Variants in CACNA1E observed in about 807,000 individuals in gnomAD.
CACNA1E encodes voltage-dependent R-type calcium channel subunit alpha-1E.
A neutral mutation model predicts 259.2 loss-of-function variants in CACNA1E; 40 were observed. That is an observed-to-expected ratio of 0.15 (90% confidence interval 0.12 to 0.20). The LOEUF (loss-of-function observed/expected upper bound fraction) is 0.20. CACNA1E is among the 10% of genes least tolerant of loss of function. CACNA1E has a pLI of 1.00. For missense variants in CACNA1E, 1,874 were observed against 3,040.1 expected (o/e 0.62, Z 9.02); for synonymous variants, 1,104 against 1,138.5 (o/e 0.97, Z 0.61).
intron 7 of CACNA1E, among the ~76,000 whole-genome samples, chr1:181,661,955 C>T (rs1258776360): frequency 6.6e-6 from 1 of 152,176 alleles, no homozygotes; most frequent in African/African-American, 2.4e-5. Flanking sequence ...TCATCTAGTA[C>T]AGCAGAACTT....
At chr1:181,544,757 C>T (rs1029202835) in intron 3 of CACNA1E, among the ~76,000 whole-genome samples, 3 of 152,124 alleles carry the variant, frequency 2.0e-5, no homozygotes, top group African/African-American at 4.8e-5. Flanking sequence ...AGGCTGACCC[C>T]GGAGGGTTTG....
At chr1:181,731,442 CTG>C (rs932807294) in intron 19 of CACNA1E, among the ~76,000 whole-genome samples, 2 of 152,158 alleles carry the variant, frequency 1.3e-5, no homozygotes, top group African/African-American at 4.8e-5. Flanking sequence ...CCTTTGTGAA[CTG>C]TGTGTTTTTC....
At chr1:181,359,683 G>A (rs1653719253) in intron 1 of CACNA1E, among the ~76,000 whole-genome samples, 1 of 152,134 alleles carries the variant, frequency 6.6e-6, no homozygotes, top group Non-Finnish European at 1.5e-5. Flanking sequence ...AATTCCTCCC[G>A]AGCTTCCCTG....
In CACNA1E at chr1:181,734,623, C is replaced by T. The variant is rs541161449; in HGVS notation, c.3262+873C>T. ...CTTGCCCTGACCCCACACCCCATCC[C>T]TGCGCTGACCCCACACCTCATCCCT... On this transcript the variant is annotated intron_variant, in intron 21 of 47. Transcript: ENST00000367573. 1.2e-4 allele frequency among the ~76,000 whole-genome samples: 18 copies of T among 144,892 alleles called. No individual in the cohort carries two copies. The South Asian group carries it at 3.7e-3, about 29-fold the overall frequency.
intron 6 of CACNA1E, among the ~76,000 whole-genome samples, chr1:181,604,582 C>CAT (rs1308791605): frequency 6.6e-6 from 1 of 152,212 alleles, no homozygotes; most frequent in Non-Finnish European, 1.5e-5. Flanking sequence ...TGTAATTAGG[C>CAT]TTCTAATGCC....
At chr1:181,497,334 A>G (rs1039950417) in intron 1 of CACNA1E, among the ~76,000 whole-genome samples, 7 of 152,232 alleles carry the variant, frequency 4.6e-5, no homozygotes, top group African/African-American at 1.7e-4. Flanking sequence ...AGCTTTCTAT[A>G]CTTCCACTGT....
chr1:181,771,944 G>A, intron 36 of CACNA1E, 122 bp from the exon 37 acceptor site: 1 of 844,438 alleles, frequency 1.2e-6, no homozygotes, highest in South Asian at 1.7e-5. Context: ...GGGTCAACTG[G>A]GTAAAAAGAG....
intron 6 of CACNA1E, among the ~76,000 whole-genome samples, chr1:181,648,050 T>C (rs141459060): frequency 1.3e-5 from 2 of 152,358 alleles, no homozygotes; most frequent in Non-Finnish European, 2.9e-5. Flanking sequence ...TATGCTTTTC[T>C]CCTTCTAGTT....
chr1:181,413,950 T>A lies in CACNA1E; in HGVS notation c.434+370T>A, dbSNP rs372762577. The stretch of plus-strand genomic sequence containing the variant: ...TTCACAACGTGGATCATCTATTTCA[T>A]CTTTACTTCAGGAACTGCAGCTAAC... On this transcript the variant is annotated intron_variant, in intron 2 of 11. Transcript: ENST00000524607. 2.6e-5 allele frequency among the ~76,000 whole-genome samples: 4 copies of A among 152,346 alleles called. No homozygotes were observed. The East Asian group carries it at 7.7e-4, about 29-fold the overall frequency.
At chr1:181,496,901 G>T (rs1664799582) in intron 1 of CACNA1E, among the ~76,000 whole-genome samples, 1 of 152,198 alleles carries the variant, frequency 6.6e-6, no homozygotes, top group South Asian at 2.1e-4. Flanking sequence ...GCACAAGGAT[G>T]CATGTGTTCT....
In CACNA1E at chr1:181,771,379, C is replaced by G; in HGVS notation, c.4968C>G (p.Leu1656=). 3.8e-6 allele frequency: 6 copies of G among 1,564,446 alleles called. No homozygotes were observed. Among genetic ancestry groups the G allele is most frequent in the Non-Finnish European group, 4.4e-6 (5 of 1,139,108 alleles). The change falls in exon 36 of 48, where the codon CTC becomes CTG. Residue 1656 remains leucine (L), a synonymous_variant. Coordinates refer to ENST00000367573, the MANE Select transcript of CACNA1E (RefSeq NM_001205293.3). ...GTTTCTTTGGGTCCCTAATGCTACT[C>G]TTCAGGTACCTGGATGCGTAACTGT... ...FRSFFGSLML[L]FRSATGEAWQ... is the part of the protein sequence containing the mutation.
chr1:181,593,844 T>A lies in CACNA1E; in HGVS notation c.951+13068T>A, dbSNP rs929838881. Among the ~76,000 whole-genome samples the A allele has an allele frequency of 6.8e-4, 103 of 152,316 alleles. 2 individuals carry two copies. Among genetic ancestry groups the A allele is most frequent in the Middle Eastern group, 3.4e-3 (1 of 294 alleles). ...GAGCTACCATGCCTGGCCAAGGACATCTTAACCTTTGCAAGTGTTAGGGTA... is the reference window on the plus strand; with the variant it reads ...GAGCTACCATGCCTGGCCAAGGACAACTTAACCTTTGCAAGTGTTAGGGTA... On this transcript the variant is annotated intron_variant, in intron 6 of 47. Coordinates refer to ENST00000367573, the MANE Select transcript of CACNA1E (RefSeq NM_001205293.3).
chr1:181,670,512 C>T (rs147502740), intron 7 of CACNA1E, among the ~76,000 whole-genome samples: 3 of 152,242 alleles, frequency 2.0e-5, no homozygotes, highest in African/African-American at 7.2e-5. Flanking sequence ...ACTGAGATGC[C>T]GTGTTCCACA....
At chr1:181,763,647 G>A (rs1462591555) in intron 34 of CACNA1E, 116 bp downstream of exon 34, 10 of 711,142 alleles carry the variant, frequency 1.4e-5, no homozygotes, top group Non-Finnish European at 1.7e-5. Flanking sequence ...CTAGTAGAAC[G>A]GGTGTTTGTT....
intron 6 of CACNA1E, among the ~76,000 whole-genome samples, chr1:181,613,944 A>G (rs1014534240): frequency 6.6e-6 from 1 of 152,110 alleles, no homozygotes; most frequent in Admixed American, 6.5e-5. Flanking sequence ...TAAGCCAAAT[A>G]TCTTTCTAAA....
chr1:181,514,916 A>C (rs1282507673), intron 3 of CACNA1E, among the ~76,000 whole-genome samples: 2 of 152,152 alleles, frequency 1.3e-5, no homozygotes, highest in African/African-American at 2.4e-5. Flanking sequence ...ACATTGCTTC[A>C]TCTTGTCCTC....
At chr1:181,720,173 GT>G in intron 13 of CACNA1E, 32 bp from the exon 14 acceptor site, 3 of 1,613,420 alleles carry the variant, frequency 1.9e-6, no homozygotes, top group Non-Finnish European at 2.5e-6. Context: ...GGTATGCAGT[GT>G]TCACAGCTGT....
chr1:181,726,140 G>A lies in CACNA1E; in HGVS notation c.2218G>A (p.Ala740Thr). The A allele has an allele frequency of 6.2e-7, 1 of 1,612,362 alleles. No individual in the cohort carries two copies. The highest frequency in any genetic ancestry group is 8.5e-7 in the Non-Finnish European group (1 of 1,179,038). Reference protein sequence around the residue: ...QKAKEVSPMSAPNMPSIERDR... With the variant: ...QKAKEVSPMSTPNMPSIERDR... ...GGCCAAGGAGGTCAGCCCGATGTCT[G>A]CACCCAACATGCCTTCGATCGAGTG... Residue 740 changes from alanine (A) to threonine (T), a missense_variant, in exon 18 of 48, where the codon GCA (alanine) becomes ACA (threonine). Ala to Thr is a moderately conservative substitution (Grantham distance 58). Around this residue, in one of 14 missense-constraint regions of CACNA1E, gnomAD observed 476 missense variants for 514.0 expected, o/e 0.93. Coordinates refer to ENST00000367573, the MANE Select transcript of CACNA1E (RefSeq NM_001205293.3).
At chr1:181,499,958 A>G (rs1244263542) in intron 1 of CACNA1E, among the ~76,000 whole-genome samples, 4 of 152,182 alleles carry the variant, frequency 2.6e-5, no homozygotes, top group Admixed American at 1.3e-4. Flanking sequence ...CTTGAAATTT[A>G]GCCTGAGAGA....
Sources: allele counts gnomAD v4.1 joint callset (sites outside exome capture counted in the v4.1 genomes callset), GRCh38; gene constraint gnomAD v4.1.1; regional missense constraint gnomAD v4.1.1; transcripts MANE v1.5; gene names NCBI Gene and HGNC (gene_info 2026-07-23, HGNC 2026-07-21).